The following SMAD1 variants were observed in gnomAD, a reference collection of about 807,000 sequenced individuals.
SMAD1 encodes the protein SMAD family member 1.
Under a neutral mutation model 41.6 loss-of-function variants are expected in SMAD1, and 6 were observed. The ratio of observed to expected loss-of-function variants is 0.14; its 90% CI spans 0.08 to 0.28. SMAD1 has a LOEUF of 0.28. SMAD1 is among the 10% of genes least tolerant of loss of function. The pLI, the probability that SMAD1 is intolerant of heterozygous loss-of-function variation, is 1.00. For missense variants in SMAD1, 379 were observed against 582.6 expected (o/e 0.65, Z 3.60); for synonymous variants, 206 against 203.2 (o/e 1.01, Z -0.12).
chr4:145,553,128 G>T (rs1732643196), intron 5 of SMAD1, among the ~76,000 whole-genome samples: 1 of 148,202 alleles, frequency 6.7e-6, no homozygotes, highest in South Asian at 2.1e-4. Context: ...TGCCCAGGCT[G>T]GTCTTGAACT....
chr4:145,509,066 A>G (rs1006109695), intron 1 of SMAD1, among the ~76,000 whole-genome samples: 1 of 152,216 alleles, frequency 6.6e-6, no homozygotes, highest in Non-Finnish European at 1.5e-5. Context: ...AGAGTAAGTT[A>G]ATAGTAGGTA....
At chr4:145,521,775 TTG>T (rs769973428) in intron 2 of SMAD1, among the ~76,000 whole-genome samples, 11 of 152,066 alleles carry the variant, frequency 7.2e-5, no homozygotes, top group Non-Finnish European at 1.3e-4. Flanking sequence ...AATATTTTGA[TTG>T]TGATAATTTT....
intron 3 of SMAD1, 55 bp from the exon 4 acceptor site, chr4:145,542,527 T>A (rs2126520676): frequency 9.7e-7 from 1 of 1,032,320 alleles, no homozygotes; most frequent in East Asian, 2.5e-5. Flanking sequence ...GATACGTGTT[T>A]TGAGCATGTA....
intron 4 of SMAD1, 22 bp downstream of exon 4, chr4:145,542,720 T>C: frequency 6.7e-7 from 1 of 1,498,556 alleles, no homozygotes; most frequent in East Asian, 2.3e-5. Flanking sequence ...TGCTGCCTGT[T>C]CCCTTTTTTA....
At chr4:145,542,721 C>A (rs747654187) in intron 4 of SMAD1, 23 bp downstream of exon 4, 8 of 1,486,246 alleles carry the variant, frequency 5.4e-6, no homozygotes, top group South Asian at 1.2e-5. Context: ...GCTGCCTGTT[C>A]CCTTTTTTAG....
chr4:145,513,697 C>T (rs190125105), intron 1 of SMAD1, among the ~76,000 whole-genome samples: 7 of 152,252 alleles, frequency 4.6e-5, no homozygotes, highest in Admixed American at 4.6e-4. Flanking sequence ...AGATATTAGA[C>T]TATTTTTTTC....
intron 1 of SMAD1, among the ~76,000 whole-genome samples, chr4:145,492,533 C>G (rs1441810996): frequency 6.6e-6 from 1 of 152,210 alleles, no homozygotes; most frequent in South Asian, 2.1e-4. Context: ...GCTTCAGGAA[C>G]CTCTGCATGT....
At chr4:145,498,963 C>T (rs552058668) in intron 1 of SMAD1, among the ~76,000 whole-genome samples, 5 of 152,280 alleles carry the variant, frequency 3.3e-5, no homozygotes, top group South Asian at 4.2e-4. Flanking sequence ...TCTCTCAAGC[C>T]GTGGCTGGTT....
chr4:145,514,685 T>C lies in SMAD1; in HGVS notation c.72T>C (p.Asp24=). ...VKRLLGWKQG[D]EEEKWAEKAV... ...GACTTCTTGGGTGGAAACAGGGCGA[T>C]GAAGAAGAAAAATGGGCAGAGAAAG... Residue 24 remains aspartate, a synonymous_variant, in exon 2 of 7, where the codon GAT becomes GAC. Transcript: ENST00000302085. The surrounding 1 kb of genome is among the most constrained non-coding windows in gnomAD (Gnocchi z 4.7). The C allele has an allele frequency of 2.5e-6, 4 of 1,614,004 alleles. No homozygotes were observed. Among genetic ancestry groups the C allele is most frequent in the Admixed American group, 1.7e-5 (1 of 60,006 alleles).
intron 2 of SMAD1, among the ~76,000 whole-genome samples, chr4:145,538,395 A>G (rs1277797149): frequency 6.6e-6 from 1 of 152,190 alleles, no homozygotes; most frequent in Non-Finnish European, 1.5e-5. Flanking sequence ...TACTCAAAAG[A>G]TTTGTTCCTG....
chr4:145,552,931 G>A (rs1470049352), intron 5 of SMAD1, among the ~76,000 whole-genome samples: 1 of 151,804 alleles, frequency 6.6e-6, no homozygotes, highest in Non-Finnish European at 1.5e-5. Flanking sequence ...ATTTGAGATG[G>A]TCTCACTCTG....
Position 145,543,307 on chromosome 4 carries a change from C to T in SMAD1, c.775+609C>T, listed in dbSNP as rs557258861. Among the ~76,000 whole-genome samples, 15 of 152,174 alleles carry T rather than the reference C, an allele frequency of 9.9e-5. No homozygotes were observed. The South Asian group carries it at 2.5e-3, about 25-fold the overall frequency. ...AAATGAACAAAATGGTATTTAGAAA[C>T]AATAAGTATAACAGTACTGAAGTAG... On this transcript the variant is annotated intron_variant, in intron 4 of 6. Coordinates refer to ENST00000302085, the MANE Select transcript of SMAD1 (RefSeq NM_005900.3).
Position 145,558,678 on chromosome 4 carries a change from A to G in SMAD1, c.*744A>G, listed in dbSNP as rs1164839272. Among the ~76,000 whole-genome samples, 1 of 149,788 alleles carries G rather than the reference A, an allele frequency of 6.7e-6. No individual in the cohort carries two copies. Among genetic ancestry groups the G allele is most frequent in the Non-Finnish European group, 1.5e-5 (1 of 67,844 alleles). On this transcript the variant is annotated 3_prime_UTR_variant, in exon 7 of 7. Coordinates refer to ENST00000302085, the MANE Select transcript of SMAD1 (RefSeq NM_005900.3). ...TCAGTTTGTTGCTTTAAAGAAACAA[A>G]CTGATACCTGAATTTTGCTGTGTTT...
chr4:145,535,502 C>G (rs1221912767), intron 2 of SMAD1, among the ~76,000 whole-genome samples: 1 of 152,122 alleles, frequency 6.6e-6, no homozygotes, highest in African/African-American at 2.4e-5. Flanking sequence ...AGGAAGACCT[C>G]TGTGCACTAA....
intron 1 of SMAD1, among the ~76,000 whole-genome samples, chr4:145,506,520 AT>A (rs1729794241): frequency 6.6e-6 from 1 of 152,150 alleles, no homozygotes; most frequent in Non-Finnish European, 1.5e-5. Context: ...TGTCTGCTGA[AT>A]TCCATACTGG....
chr4:145,524,789 CGA>C (rs1730939160), intron 2 of SMAD1, among the ~76,000 whole-genome samples: 1 of 7,628 alleles, frequency 1.3e-4, no homozygotes, highest in Non-Finnish European at 2.3e-4. Flanking sequence ...AAAAAGAAAA[CGA>C]AAAAAAAAAA....
intron 1 of SMAD1, among the ~76,000 whole-genome samples, chr4:145,490,820 A>G (rs1326106509): frequency 6.6e-6 from 1 of 152,220 alleles, no homozygotes; most frequent in East Asian, 1.9e-4. Context: ...CCCTGTAATG[A>G]TTTTAAAGGT....
intron 3 of SMAD1, among the ~76,000 whole-genome samples, 193 bp from the exon 4 acceptor site, chr4:145,542,389 G>T (rs569823396): frequency 2.0e-5 from 3 of 152,256 alleles, no homozygotes; most frequent in Admixed American, 6.5e-5. Flanking sequence ...TCACAAAAAT[G>T]TATATGATTG....
chr4:145,536,762 G>T (rs543457442), intron 2 of SMAD1, among the ~76,000 whole-genome samples: 17 of 152,266 alleles, frequency 1.1e-4, no homozygotes, highest in African/African-American at 4.1e-4. Flanking sequence ...CAGTCTCGTG[G>T]TATCTCTCAC....
Sources: gnomAD v4.1 joint callset for allele counts (sites outside exome capture counted in the v4.1 genomes callset) on GRCh38, gnomAD v4.1.1 for gene constraint, Gnocchi (gnomAD v3.1) non-coding constraint, MANE v1.5 for transcripts, NCBI Gene and HGNC (gene_info 2026-07-23, HGNC 2026-07-21) for gene names.